SYT14: variants seen among roughly 807,000 people sequenced by gnomAD.
The protein encoded by SYT14 is synaptotagmin-14.
Under a neutral mutation model 74.2 loss-of-function variants are expected in SYT14, and 32 were observed. That is an observed-to-expected ratio of 0.43 (90% confidence interval 0.33 to 0.58). SYT14 has a LOEUF of 0.58. SYT14 is among the 20% of genes least tolerant of loss of function. The pLI, the probability that SYT14 is intolerant of heterozygous loss-of-function variation, is 0.05. For synonymous variants in SYT14, 298 were observed against 337.7 expected (o/e 0.88, Z 1.29); for missense variants, 791 against 981.8 (o/e 0.81, Z 2.60).
intron 2 of SYT14, among the ~76,000 whole-genome samples, chr1:209,977,665 A>T (rs1220499915): frequency 6.6e-6 from 1 of 152,132 alleles, no homozygotes; most frequent in Non-Finnish European, 1.5e-5. Flanking sequence ...AACTTTGATG[A>T]ATCTGACAAT....
At chr1:210,073,707 T>G (rs1373401480) in intron 5 of SYT14, among the ~76,000 whole-genome samples, 2 of 152,044 alleles carry the variant, frequency 1.3e-5, no homozygotes, top group Non-Finnish European at 2.9e-5. Context: ...TTGTTTTTTT[T>G]TGTCTTTCTA....
At chr1:210,001,503 T>C (rs574278389) in intron 2 of SYT14, among the ~76,000 whole-genome samples, 1 of 152,342 alleles carries the variant, frequency 6.6e-6, no homozygotes, top group East Asian at 1.9e-4. Flanking sequence ...ATTACATTTA[T>C]ATTCATAATT....
intron 2 of SYT14, among the ~76,000 whole-genome samples, chr1:210,002,425 T>C (rs2079917556): frequency 6.6e-6 from 1 of 152,218 alleles, no homozygotes; most frequent in Non-Finnish European, 1.5e-5. Context: ...TCTGCCTTGC[T>C]GCTTTTGCTT....
At chr1:210,003,574 A>G (rs1207502312) in intron 2 of SYT14, among the ~76,000 whole-genome samples, 2 of 149,770 alleles carry the variant, frequency 1.3e-5, no homozygotes, top group South Asian at 2.1e-4. Context: ...TTTTACCTCT[A>G]TTCATTTTTT....
chr1:210,062,164 G>C (rs1285943512), intron 5 of SYT14, among the ~76,000 whole-genome samples: 1 of 151,836 alleles, frequency 6.6e-6, no homozygotes, highest in East Asian at 1.9e-4. Flanking sequence ...CTGGTGTGCA[G>C]TTGCATTAGC....
At chr1:210,111,097 C>T (rs949083405) in intron 7 of SYT14, among the ~76,000 whole-genome samples, 8 of 152,294 alleles carry the variant, frequency 5.3e-5, no homozygotes, top group Non-Finnish European at 8.8e-5. Flanking sequence ...TTTTCACACA[C>T]GTCTGTGTGA....
chr1:210,042,515 C>A (rs914158246), intron 5 of SYT14, among the ~76,000 whole-genome samples: 14 of 152,132 alleles, frequency 9.2e-5, no homozygotes, highest in African/African-American at 3.1e-4. Flanking sequence ...AATCTTTAAT[C>A]CATCTTGAGT....
intron 5 of SYT14, among the ~76,000 whole-genome samples, chr1:210,066,469 G>C (rs575094620): frequency 6.6e-6 from 1 of 152,274 alleles, no homozygotes; most frequent in South Asian, 2.1e-4. Flanking sequence ...GCATTTCTCT[G>C]ATGGCCAGTG....
intron 5 of SYT14, among the ~76,000 whole-genome samples, chr1:210,069,428 T>C: frequency 6.6e-6 from 1 of 152,014 alleles, no homozygotes; most frequent in East Asian, 1.9e-4. Flanking sequence ...GAATTCTGTC[T>C]GTTTTTCTTA....
At chr1:209,979,534 A>T (rs1302335356) in intron 2 of SYT14, among the ~76,000 whole-genome samples, 1 of 152,098 alleles carries the variant, frequency 6.6e-6, no homozygotes, top group East Asian at 1.9e-4. Context: ...CTTGCTGCAC[A>T]GATCATCCCA....
At chr1:210,121,685 T>A (rs1291513072) in intron 7 of SYT14, among the ~76,000 whole-genome samples, 1 of 151,432 alleles carries the variant, frequency 6.6e-6, no homozygotes, top group Non-Finnish European at 1.5e-5. Flanking sequence ...TCCCAGCTAC[T>A]CGGGAGGCTG....
chr1:210,088,716 T>C (rs1558181344), intron 5 of SYT14, among the ~76,000 whole-genome samples: 1 of 151,978 alleles, frequency 6.6e-6, no homozygotes, highest in Non-Finnish European at 1.5e-5. Flanking sequence ...ACCATCATTC[T>C]TATTTTTGTT....
intron 5 of SYT14, among the ~76,000 whole-genome samples, chr1:210,050,668 A>G (rs1200573294): frequency 2.0e-5 from 3 of 152,226 alleles, no homozygotes; most frequent in African/African-American, 7.2e-5. Context: ...AGGCCTCACA[A>G]TCATGGCAGA....
intron 1 of SYT14, among the ~76,000 whole-genome samples, chr1:209,947,865 A>G (rs2018942): frequency 0.083 from 12,628 of 152,156 alleles, 1,624 homozygotes; most frequent in African/African-American, 0.27. Context: ...AGCCACCCCA[A>G]CCTTCATCAT....
At chr1:209,975,947 G>A (rs944241361) in intron 2 of SYT14, among the ~76,000 whole-genome samples, 3 of 151,946 alleles carry the variant, frequency 2.0e-5, no homozygotes, top group Admixed American at 6.6e-5. Context: ...TGTATGTGTC[G>A]AGGAATTTAT....
chr1:210,162,712 T>C (rs1362248656), exon 10 of SYT14: 2 of 449,902 alleles, frequency 4.4e-6, no homozygotes, highest in Non-Finnish European at 8.9e-6. Flanking sequence ...TTACTTCAGC[T>C]TGGCTGTACT....
chr1:210,013,401 T>C (rs1166682226), intron 2 of SYT14, among the ~76,000 whole-genome samples: 1 of 152,186 alleles, frequency 6.6e-6, no homozygotes, highest in African/African-American at 2.4e-5. Flanking sequence ...ATTGTTCCTA[T>C]GAATTTATAA....
At chr1:210,047,863 C>CT (rs1409637328) in intron 5 of SYT14, among the ~76,000 whole-genome samples, 1 of 152,134 alleles carries the variant, frequency 6.6e-6, no homozygotes, top group Admixed American at 6.5e-5. Flanking sequence ...AAGATGTCCA[C>CT]TTTTTTCAGG....
intron 7 of SYT14, among the ~76,000 whole-genome samples, chr1:210,111,563 C>T (rs2082262391): frequency 1.3e-5 from 2 of 151,014 alleles, no homozygotes; most frequent in Non-Finnish European, 1.5e-5. Context: ...AGGGCTGCTT[C>T]GAGCGGGATT....
Sources: allele counts gnomAD v4.1 joint callset (sites outside exome capture counted in the v4.1 genomes callset), GRCh38; gene constraint gnomAD v4.1.1; transcripts MANE v1.5; gene names NCBI Gene and HGNC (gene_info 2026-07-23, HGNC 2026-07-21).